Variants in EHD2 observed in about 807,000 individuals in gnomAD.
EHD2 encodes the protein EH domain containing 2.
In EHD2, 27 loss-of-function variants were observed where a neutral mutation model predicts 41.0. The observed-to-expected ratio is 0.66, with a 90% CI of 0.49 to 0.91. The LOEUF is 0.91. Ranked by LOEUF, EHD2 falls within the 40% of genes least tolerant of loss-of-function variation. The pLI, the probability that EHD2 is intolerant of heterozygous loss-of-function variation, is 0.00. For synonymous variants in EHD2, 342 were observed against 341.0 expected (o/e 1.00, Z -0.03); for missense variants, 673 against 773.9 (o/e 0.87, Z 1.55).
chr19:47,726,047 G>A lies in EHD2; in HGVS notation c.738G>A (p.Thr246=), dbSNP rs1310620924. Residue 246 remains threonine, a synonymous_variant, in exon 4 of 6, where the codon ACG becomes ACA. Coordinates refer to ENST00000263277, the MANE Select transcript of EHD2 (RefSeq NM_014601.4). ...GGGCGCTGGGCAAGGTGGTGGGCAC[G>A]CCCGAGGTGCTGCGCGTCTACATCG... ...LMWALGKVVG[T]PEVLRVYIGS... 2.5e-6 allele frequency: 4 copies of A among 1,589,864 alleles called. No individual in the cohort carries two copies. The highest frequency in any genetic ancestry group is 1.1e-5 in the South Asian group (1 of 88,748).
At position 47,741,183 on chromosome 19, in the gene EHD2, G is replaced by A. The variant is rs756067187; in HGVS notation, c.1383G>A (p.Ala461=). The change falls in exon 6 of 6, where the codon GCG becomes GCA. Residue 461 remains alanine, a synonymous_variant. Coordinates refer to ENST00000263277, the MANE Select transcript of EHD2 (RefSeq NM_014601.4). The surrounding 1 kb of genome is among the most constrained non-coding windows in gnomAD (Gnocchi z 4.5). ...ACGACGAGATCTTCTACAACCTGGC[G>A]CCTGCCGACGGCAAGCTGAGCGGCT... ...SKYDEIFYNL[A]PADGKLSGSK... 17 of 1,613,808 alleles carry A rather than the reference G, an allele frequency of 1.1e-5. No individual in the cohort carries two copies. The highest frequency in any genetic ancestry group is 2.2e-5 in the East Asian group (1 of 44,898).
Position 47,716,680 on chromosome 19 carries a change from C to A in EHD2, c.68C>A (p.Ser23Ter). 2 of 1,605,830 alleles carry A rather than the reference C, an allele frequency of 1.2e-6. No homozygotes were observed. Among genetic ancestry groups the A allele is most frequent in the Non-Finnish European group, 1.7e-6 (2 of 1,176,174 alleles). Residue 23 changes from serine to a stop codon, truncating the protein, a stop_gained, in exon 2 of 6, where the codon TCG (serine) becomes TAG (stop). Coordinates refer to ENST00000263277, the MANE Select transcript of EHD2 (RefSeq NM_014601.4). LOFTEE classifies it high-confidence loss of function. ...CCCGAGGCCATCCGCACGGTGACCT[C>A]GGCCCTCAAGGAGCTGTACCGCACG... Reference protein sequence around the residue: ...QQPEAIRTVTSALKELYRTKL... With the variant: ...QQPEAIRTVT
intron 4 of EHD2, 62 bp from the exon 5 acceptor site, chr19:47,736,307 T>A (rs989761684): frequency 1.9e-5 from 29 of 1,508,790 alleles, no homozygotes; most frequent in Middle Eastern, 1.7e-4. Context: ...GCCTGCAGCC[T>A]GTGTTTTAAC....
chr19:47,720,199 T>G (rs909790941), intron 3 of EHD2, among the ~76,000 whole-genome samples: 8 of 152,008 alleles, frequency 5.3e-5, no homozygotes, highest in African/African-American at 1.9e-4. Context: ...AGTCTCACTC[T>G]GTCGCCCAGG....
intron 4 of EHD2, among the ~76,000 whole-genome samples, chr19:47,733,330 G>T (rs1966888087): frequency 6.6e-6 from 1 of 151,020 alleles, no homozygotes; most frequent in South Asian, 2.1e-4. Context: ...TGACCTCCCC[G>T]GCTTCAGTGA....
At position 47,719,439 on chromosome 19, in the gene EHD2, G is replaced by T. The variant is rs1027053801; in HGVS notation, c.502+833G>T. Among the ~76,000 whole-genome samples, 1 of 152,052 alleles carries T rather than the reference G, an allele frequency of 6.6e-6. No homozygotes were observed. Among genetic ancestry groups the T allele is most frequent in the African/African-American group, 2.4e-5 (1 of 41,402 alleles). Reference sequence around the variant, plus strand: ...CTGTGCAAGGAGAGTGGCGGGGGGTGGATTCCAGCCGGGGCCTCCGGGCGT... The same window carrying T: ...CTGTGCAAGGAGAGTGGCGGGGGGTTGATTCCAGCCGGGGCCTCCGGGCGT... On this transcript the variant is annotated intron_variant, in intron 3 of 5. Transcript: ENST00000263277. The surrounding 1 kb of genome is among the most constrained non-coding windows in gnomAD (Gnocchi z 4.1).
At chr19:47,724,446 T>G (rs1328097324) in intron 3 of EHD2, among the ~76,000 whole-genome samples, 1 of 152,116 alleles carries the variant, frequency 6.6e-6, no homozygotes, top group African/African-American at 2.4e-5. Context: ...ACACAGTGGA[T>G]GGGGGCAGAG....
intron 4 of EHD2, among the ~76,000 whole-genome samples, chr19:47,729,955 TC>T (rs1046149465): frequency 6.6e-6 from 1 of 151,976 alleles, no homozygotes; most frequent in Non-Finnish European, 1.5e-5. Flanking sequence ...TCTCCATCTC[TC>T]CCCCGCTCCG....
intron 3 of EHD2, among the ~76,000 whole-genome samples, chr19:47,720,376 G>A (rs924264308): frequency 6.6e-6 from 1 of 151,840 alleles, no homozygotes; most frequent in African/African-American, 2.4e-5. Context: ...TCACCATGTT[G>A]GCCAGGCTGG....
At chr19:47,732,592 A>G (rs1966883665) in intron 4 of EHD2, among the ~76,000 whole-genome samples, 1 of 148,024 alleles carries the variant, frequency 6.8e-6, no homozygotes. Context: ...ACTAGTTTTA[A>G]AATTTTTTTT....
chr19:47,742,193 A>C lies in EHD2; in HGVS notation c.*761A>C. On this transcript the variant is annotated 3_prime_UTR_variant, in exon 6 of 6. Coordinates refer to ENST00000263277, the MANE Select transcript of EHD2 (RefSeq NM_014601.4). ...TTTGTTTTTGCCCCCAATTCTGCCCATACCCATTTCTTTCTTTCCTTCCTT... is the reference window on the plus strand; with the variant it reads ...TTTGTTTTTGCCCCCAATTCTGCCCCTACCCATTTCTTTCTTTCCTTCCTT... 3.4e-5 allele frequency: 11 copies of C among 324,772 alleles called. No homozygotes were observed. Among genetic ancestry groups the C allele is most frequent in the South Asian group, 2.6e-4 (11 of 42,204 alleles). 20.1% of individuals were successfully genotyped at this position (324,772 alleles called of 1,614,324 possible). A position where few individuals can be genotyped will look rare whatever the true frequency, so the allele number is the denominator to read the frequency against.
chr19:47,725,396 CAAAAAA>C (rs10676405), intron 3 of EHD2, among the ~76,000 whole-genome samples: 2 of 74,286 alleles, frequency 2.7e-5, no homozygotes, highest in Non-Finnish European at 4.8e-5. Context: ...CATCTCTACT[CAAAAAA>C]AAAAAAAAAA....
chr19:47,726,212 C>A lies in EHD2; in HGVS notation c.903C>A (p.Ala301=). Residue 301 remains alanine (A), a synonymous_variant, in exon 4 of 6, where the codon GCC becomes GCA. Transcript: ENST00000263277. ...AGCTCAACGACCTGGTGAAGAGGGC[C>A]CGGCTGGTGCGAGTGAGTAGTCCTG... ...LRKLNDLVKR[A]RLVRVHAYII... 1 of 1,516,826 alleles carries A rather than the reference C, an allele frequency of 6.6e-7. No homozygotes were observed. Among genetic ancestry groups the A allele is most frequent in the South Asian group, 1.3e-5 (1 of 77,512 alleles). 94.0% of individuals were successfully genotyped at this position (1,516,826 alleles called of 1,614,324 possible).
At chr19:47,725,759 G>A (rs577413598) in intron 3 of EHD2, 53 bp from the exon 4 acceptor site, 15 of 1,534,030 alleles carry the variant, frequency 9.8e-6, no homozygotes, top group African/African-American at 1.4e-5. Context: ...TGGCTGGAGG[G>A]TGGGGGTCTG....
chr19:47,720,574 CGTGT>C (rs138176289), intron 3 of EHD2, among the ~76,000 whole-genome samples: 1 of 150,054 alleles, frequency 6.7e-6, no homozygotes, highest in African/African-American at 2.5e-5. Flanking sequence ...TATATTGTGA[CGTGT>C]GTGTGTGAGA....
intron 2 of EHD2, among the ~76,000 whole-genome samples, chr19:47,718,221 T>C (rs1318394504): frequency 7.1e-6 from 1 of 140,436 alleles, no homozygotes; most frequent in East Asian, 2.1e-4. Flanking sequence ...TGCAGTGAGC[T>C]GAGATAGTGC....
intron 4 of EHD2, among the ~76,000 whole-genome samples, chr19:47,733,693 T>G (rs942594598): frequency 3.4e-5 from 4 of 116,778 alleles, no homozygotes; most frequent in African/African-American, 1.4e-4. Flanking sequence ...AATAAATAAA[T>G]AAAGTCATTA....
intron 4 of EHD2, among the ~76,000 whole-genome samples, chr19:47,728,443 C>T (rs1226820233): frequency 6.6e-6 from 1 of 152,136 alleles, no homozygotes; most frequent in Non-Finnish European, 1.5e-5. Flanking sequence ...TAACTTCCCC[C>T]ATATGCGTCC....
intron 5 of EHD2, among the ~76,000 whole-genome samples, chr19:47,739,274 ATTT>A (rs57266469): frequency 0.12 from 13,514 of 115,780 alleles, 920 homozygotes; most frequent in Non-Finnish European, 0.15. Context: ...CTAATTTTTA[ATTT>A]TTTTTTTTTT....
Sources: gnomAD v4.1 joint callset for allele counts (sites outside exome capture counted in the v4.1 genomes callset) on GRCh38, gnomAD v4.1.1 for gene constraint, Gnocchi (gnomAD v3.1) non-coding constraint, MANE v1.5 for transcripts, NCBI Gene and HGNC (gene_info 2026-07-23, HGNC 2026-07-21) for gene names.